Variants in AK9 observed in about 807,000 individuals in gnomAD.
The protein encoded by AK9 is adenylate kinase 9, also known as adenylate kinase domain containing 1.
In AK9, 191 loss-of-function variants were observed where a neutral mutation model predicts 239.6. The observed-to-expected ratio is 0.80, with a 90% CI of 0.71 to 0.90. The LOEUF is 0.90. Among genes scored for constraint, AK9 ranks in the 40% least tolerant of loss-of-function variants. The probability of loss-of-function intolerance (pLI) is 0.00; values close to 1 mark genes in which losing one functional copy is unlikely to be tolerated. For missense variants in AK9, 1,995 were observed against 2,214.7 expected (o/e 0.90, Z 1.99); for synonymous variants, 689 against 721.0 (o/e 0.96, Z 0.71).
intron 17 of AK9, among the ~76,000 whole-genome samples, chr6:109,591,176 T>A (rs1412014052): frequency 2.0e-5 from 3 of 152,162 alleles, no homozygotes; most frequent in Non-Finnish European, 4.4e-5. Context: ...TCTAGTTGTA[T>A]TTGTTTTATG....
intron 27 of AK9, among the ~76,000 whole-genome samples, chr6:109,539,000 T>C (rs928660590): frequency 2.6e-5 from 4 of 152,208 alleles, no homozygotes; most frequent in African/African-American, 9.6e-5. Flanking sequence ...GCTTCCCTTT[T>C]TGGTTAACCC....
At chr6:109,689,312 T>G (rs1773976907) in intron 1 of AK9, among the ~76,000 whole-genome samples, 1 of 152,212 alleles carries the variant, frequency 6.6e-6, no homozygotes, top group Admixed American at 6.5e-5. Context: ...AAGGGTGGAA[T>G]GTAGCAGCTG....
intron 25 of AK9, 40 bp from the exon 26 acceptor site, chr6:109,546,167 G>A (rs1783543658): frequency 6.6e-7 from 1 of 1,513,914 alleles, no homozygotes; most frequent in Non-Finnish European, 8.9e-7. Context: ...GGGATAAAGG[G>A]AGAGTGAAGG....
intron 13 of AK9, 132 bp from the exon 14 acceptor site, chr6:109,614,612 G>A (rs1344890478): frequency 2.9e-6 from 2 of 686,448 alleles, no homozygotes; most frequent in South Asian, 1.8e-5. Flanking sequence ...TGTAAGGGCT[G>A]TGTGACTTTG....
At chr6:109,571,588 T>C (rs938332880) in intron 21 of AK9, among the ~76,000 whole-genome samples, 1 of 152,182 alleles carries the variant, frequency 6.6e-6, no homozygotes, top group Admixed American at 6.6e-5. Context: ...CCCATCTTTC[T>C]ATTTGTATAA....
intron 29 of AK9, among the ~76,000 whole-genome samples, chr6:109,520,671 A>T (rs1779766371): frequency 6.6e-6 from 1 of 152,178 alleles, no homozygotes; most frequent in Admixed American, 6.5e-5. Context: ...TTTGATAGGA[A>T]TACCATTGAA....
At chr6:109,580,786 C>T (rs1788744687) in intron 19 of AK9, among the ~76,000 whole-genome samples, 1 of 152,208 alleles carries the variant, frequency 6.6e-6, no homozygotes, top group African/African-American at 2.4e-5. Flanking sequence ...CCCTCTGAGG[C>T]TACTGAGTGT....
intron 24 of AK9, among the ~76,000 whole-genome samples, chr6:109,558,202 T>C (rs933668774): frequency 2.0e-5 from 3 of 152,180 alleles, no homozygotes; most frequent in Non-Finnish European, 4.4e-5. Context: ...ATTCTCTTAA[T>C]AGTGTTTTTT....
At chr6:109,597,440 A>G (rs1027600794) in intron 17 of AK9, among the ~76,000 whole-genome samples, 1 of 152,132 alleles carries the variant, frequency 6.6e-6, no homozygotes, top group African/African-American at 2.4e-5. Context: ...TGGGAGGCCG[A>G]GGCGGGCAGA....
intron 17 of AK9, among the ~76,000 whole-genome samples, chr6:109,600,989 A>G (rs1791870734): frequency 6.6e-6 from 1 of 152,040 alleles, no homozygotes; most frequent in Non-Finnish European, 1.5e-5. Flanking sequence ...TAGTCTTGCT[A>G]GCAGTCTATC....
At chr6:109,519,147 C>T (rs1055529339) in intron 29 of AK9, among the ~76,000 whole-genome samples, 5 of 152,134 alleles carry the variant, frequency 3.3e-5, no homozygotes, top group Non-Finnish European at 7.4e-5. Context: ...TGACTTTGTT[C>T]TTTTTTATGG....
At chr6:109,544,813 C>T (rs1422892938) in intron 26 of AK9, among the ~76,000 whole-genome samples, 1 of 152,140 alleles carries the variant, frequency 6.6e-6, no homozygotes, top group Non-Finnish European at 1.5e-5. Context: ...GAGATCTCCA[C>T]TAAGGCTGGG....
chr6:109,519,129 A>G (rs1472049159), intron 29 of AK9, among the ~76,000 whole-genome samples: 2 of 152,184 alleles, frequency 1.3e-5, no homozygotes, highest in Non-Finnish European at 2.9e-5. Context: ...ACATTGCTGC[A>G]AAGGATATGA....
chr6:109,665,401 A>C (rs1357765841), intron 5 of AK9, among the ~76,000 whole-genome samples: 1 of 152,100 alleles, frequency 6.6e-6, no homozygotes, highest in Non-Finnish European at 1.5e-5. Flanking sequence ...TACATCCCTA[A>C]AAAAATGTAG....
intron 29 of AK9, among the ~76,000 whole-genome samples, chr6:109,518,294 T>C (rs765232884): frequency 5.3e-5 from 8 of 152,098 alleles, no homozygotes; most frequent in Non-Finnish European, 1.2e-4. Flanking sequence ...TTAAAGAAGT[T>C]TCAGATCATT....
chr6:109,603,336 A>G (rs145139226), intron 17 of AK9, among the ~76,000 whole-genome samples: 1,989 of 152,142 alleles, frequency 0.013, 30 homozygotes, highest in Non-Finnish European at 0.018. Flanking sequence ...CTGGAGGTCC[A>G]CTCCAGACCC....
intron 24 of AK9, among the ~76,000 whole-genome samples, chr6:109,562,229 C>T (rs1407415734): frequency 1.3e-5 from 2 of 152,182 alleles, no homozygotes; most frequent in Admixed American, 6.5e-5. Context: ...AATCTTTTTC[C>T]TCTGTTGTTT....
intron 17 of AK9, among the ~76,000 whole-genome samples, chr6:109,600,040 T>C (rs1258178944): frequency 1.3e-5 from 2 of 152,240 alleles, no homozygotes; most frequent in African/African-American, 4.8e-5. Context: ...CAATTTGATT[T>C]CCTCTTTTCC....
In AK9 at chr6:109,681,930, T is replaced by C. The variant is rs368302887; in HGVS notation, c.-11-6174A>G. Among the ~76,000 whole-genome samples, 111 of 152,324 alleles carry C rather than the reference T, an allele frequency of 7.3e-4. No homozygotes were observed. In the South Asian group the frequency reaches 0.011, roughly 15 times the overall value. ...AACGTATGAGAATCTCTGGGACACATTTAAAGCAGTGTGTAGAGGGAAATT... is the reference window on the plus strand; with the variant it reads ...AACGTATGAGAATCTCTGGGACACACTTAAAGCAGTGTGTAGAGGGAAATT... On this transcript the variant is annotated intron_variant, in intron 1 of 40. Transcript: ENST00000424296.
Sources: allele counts gnomAD v4.1 joint callset (sites outside exome capture counted in the v4.1 genomes callset), GRCh38; gene constraint gnomAD v4.1.1; transcripts MANE v1.5; gene names NCBI Gene and HGNC (gene_info 2026-07-23, HGNC 2026-07-21).